The following MS4A7 variants were observed in gnomAD, a reference collection of about 807,000 sequenced individuals.
MS4A7 encodes membrane spanning 4-domains A7.
In MS4A7, 21 loss-of-function variants were observed where a neutral mutation model predicts 23.5. The ratio of observed to expected loss-of-function variants is 0.89; its 90% CI spans 0.63 to 1.29. MS4A7 has a LOEUF of 1.29. MS4A7 is among the 50% of genes most tolerant of loss of function. MS4A7 has a pLI of 0.00. For synonymous variants in MS4A7, 111 were observed against 107.4 expected (o/e 1.03, Z -0.21); for missense variants, 263 against 274.2 (o/e 0.96, Z 0.29).
intron 1 of MS4A7, among the ~76,000 whole-genome samples, chr11:60,380,480 C>T (rs570435292): frequency 6.6e-6 from 1 of 152,216 alleles, no homozygotes; most frequent in South Asian, 2.1e-4. Flanking sequence ...TAAGAAATAA[C>T]AAAGGAAAAT....
chr11:60,391,952 G>GAA (rs3042727), intron 5 of MS4A7, among the ~76,000 whole-genome samples: 2 of 137,618 alleles, frequency 1.5e-5, no homozygotes, highest in African/African-American at 5.4e-5. Context: ...AACCAAAATG[G>GAA]AAAAAAAAAA....
Position 60,379,717 on chromosome 11 carries a change from T to C in MS4A7, c.-14+1053T>C, listed in dbSNP as rs192128204. ...CTGGCTAATTTTTGTATTTTTTTAG[T>C]AGAGACGGGGTTTCACCATGTTGGC... On this transcript the variant is annotated intron_variant, in intron 1 of 6. Coordinates refer to ENST00000300184, the MANE Select transcript of MS4A7 (RefSeq NM_021201.5). 2.6e-3 allele frequency among the ~76,000 whole-genome samples: 403 copies of C among 152,288 alleles called. 5 individuals are homozygous for C. Among genetic ancestry groups the C allele is most frequent in the Non-Finnish European group, 1.6e-3 (112 of 68,014 alleles).
At chr11:60,385,427 G>A (rs1315044424) in intron 3 of MS4A7, among the ~76,000 whole-genome samples, 1 of 152,192 alleles carries the variant, frequency 6.6e-6, no homozygotes, top group South Asian at 2.1e-4. Flanking sequence ...AGAGCAGGGG[G>A]CAAGAGGGAA....
intron 3 of MS4A7, among the ~76,000 whole-genome samples, chr11:60,385,974 C>G (rs770266316): frequency 6.6e-6 from 1 of 152,216 alleles, no homozygotes; most frequent in African/African-American, 2.4e-5. Flanking sequence ...TAAGGAGGCC[C>G]TGGTCCTGCC....
intron 1 of MS4A7, among the ~76,000 whole-genome samples, chr11:60,381,985 C>T (rs560210752): frequency 6.6e-6 from 1 of 152,214 alleles, no homozygotes; most frequent in Non-Finnish European, 1.5e-5. Flanking sequence ...AGGCCAGAAC[C>T]ATTCCTAAAG....
intron 3 of MS4A7, 118 bp from the exon 4 acceptor site, chr11:60,386,599 C>T: frequency 2.7e-6 from 2 of 738,418 alleles, no homozygotes; most frequent in Non-Finnish European, 4.7e-6. Context: ...AAGATTTCTG[C>T]AGTGTTCTCT....
At chr11:60,381,728 G>A (rs937409334) in intron 1 of MS4A7, among the ~76,000 whole-genome samples, 1 of 152,124 alleles carries the variant, frequency 6.6e-6, no homozygotes, top group South Asian at 2.1e-4. Flanking sequence ...CATTATATGT[G>A]TCATCTTATC....
At chr11:60,382,640 G>A (rs747472179) in intron 1 of MS4A7, among the ~76,000 whole-genome samples, 8 of 152,196 alleles carry the variant, frequency 5.3e-5, no homozygotes, top group Non-Finnish European at 1.2e-4. Context: ...AAGGAAAGTG[G>A]AACAGCATTC....
intron 1 of MS4A7, among the ~76,000 whole-genome samples, chr11:60,379,512 G>GT (rs1035272787): frequency 1.3e-5 from 2 of 149,996 alleles, no homozygotes; most frequent in East Asian, 2.0e-4. Context: ...TTAACCATGT[G>GT]TTTTTTTGTT....
At chr11:60,386,925 A>G (rs2085497435) in intron 4 of MS4A7, 152 bp downstream of exon 4, 1 of 651,410 alleles carries the variant, frequency 1.5e-6, no homozygotes, top group South Asian at 2.3e-5. Flanking sequence ...TCCCATTGGT[A>G]GAACCAAGAG....
At chr11:60,381,977 G>T (rs1194265038) in intron 1 of MS4A7, among the ~76,000 whole-genome samples, 1 of 152,202 alleles carries the variant, frequency 6.6e-6, no homozygotes, top group Admixed American at 6.5e-5. Context: ...CCCAAGAGAG[G>T]CCAGAACCAT....
At position 60,394,181 on chromosome 11, in the gene MS4A7, G is replaced by A. The variant is rs183061327; in HGVS notation, c.*320G>A. On this transcript the variant is annotated 3_prime_UTR_variant, in exon 7 of 7. Coordinates refer to ENST00000300184, the MANE Select transcript of MS4A7 (RefSeq NM_021201.5). ...TGCTAGTGTGAATTTGGTAAGTTGCGTGACTCTGCAGGCTGTTTCTGTATT... is the reference window on the plus strand; with the variant it reads ...TGCTAGTGTGAATTTGGTAAGTTGCATGACTCTGCAGGCTGTTTCTGTATT... 9.4e-4 allele frequency: 185 copies of A among 196,920 alleles called. 4 individuals carry two copies. The highest frequency in any genetic ancestry group is 3.6e-4 in the Non-Finnish European group (35 of 98,342). 12.2% of individuals were successfully genotyped at this position (196,920 alleles called of 1,614,324 possible).
At chr11:60,389,171 A>T (rs1452497676) in intron 4 of MS4A7, 4 of 547,216 alleles carry the variant, frequency 7.3e-6, no homozygotes, top group African/African-American at 1.9e-5. Flanking sequence ...GGAATTATCC[A>T]TGCATTTTCT....
rs530626230 is a variant in MS4A7 at position 60,387,314 on chromosome 11, C to T, written c.339+541C>T. On this transcript the variant is annotated intron_variant, in intron 4 of 6. Transcript: ENST00000300184. ...CTATATCCTGGGAAACCCCTTACTC[C>T]CCAGGCAAAGCAGAATAACTGGTTT... is the stretch of plus-strand genomic sequence containing the variant. 6.6e-5 allele frequency among the ~76,000 whole-genome samples: 10 copies of T among 152,278 alleles called. No homozygotes were observed. In the East Asian group the frequency reaches 1.9e-3, roughly 29 times the overall value.
rs1483362527 is a variant in MS4A7 at position 60,386,764 on chromosome 11, T to C, written c.330T>C (p.Thr110=). The change falls in exon 4 of 7, where the codon ACT becomes ACC. Residue 110 remains threonine, a synonymous_variant. Transcript: ENST00000300184. ...CAATTATCTCTGGAAAACAATCAAC[T>C]AAGCCCTTTGTAAGTATAAGGACCA... ...SLSIISGKQS[T]KPFDLSSLTS... 6.2e-7 allele frequency: 1 copy of C among 1,611,976 alleles called. No individual in the cohort carries two copies. The highest frequency in any genetic ancestry group is 1.1e-5 in the South Asian group (1 of 90,940).
chr11:60,380,831 A>T (rs769935860), intron 1 of MS4A7, among the ~76,000 whole-genome samples: 3 of 152,206 alleles, frequency 2.0e-5, no homozygotes, highest in Admixed American at 6.5e-5. Flanking sequence ...ATGCTTCAAC[A>T]ATAGGGGAGG....
intron 1 of MS4A7, among the ~76,000 whole-genome samples, chr11:60,380,783 T>C (rs888577929): frequency 3.9e-5 from 6 of 152,182 alleles, no homozygotes; most frequent in African/African-American, 1.2e-4. Context: ...ATCAGCAATG[T>C]CCCTGGGAGA....
chr11:60,386,737 C>A lies in MS4A7; in HGVS notation c.303C>A (p.Leu101=). 1 of 1,613,362 alleles carries A rather than the reference C, an allele frequency of 6.2e-7. No individual in the cohort carries two copies. The highest frequency in any genetic ancestry group is 8.5e-7 in the Non-Finnish European group (1 of 1,179,392). The change falls in exon 4 of 7, where the codon CTC becomes CTA. Residue 101 remains leucine, a synonymous_variant. Coordinates refer to ENST00000300184, the MANE Select transcript of MS4A7 (RefSeq NM_021201.5). ...GGCAGTTTGGCATTACTGGATCCCT[C>A]TCAATTATCTCTGGAAAACAATCAA... ...GALCFGITGS[L]SIISGKQSTK...
At chr11:60,386,990 G>C (rs1334309541) in intron 4 of MS4A7, among the ~76,000 whole-genome samples, 2 of 152,172 alleles carry the variant, frequency 1.3e-5, no homozygotes, top group Admixed American at 6.5e-5. Context: ...ACACAATGTT[G>C]CTCCTGGATT....
Sources: gnomAD v4.1 joint callset for allele counts (sites outside exome capture counted in the v4.1 genomes callset) on GRCh38, gnomAD v4.1.1 for gene constraint, MANE v1.5 for transcripts, NCBI Gene and HGNC (gene_info 2026-07-23, HGNC 2026-07-21) for gene names.